CTIF: variants seen among roughly 807,000 people sequenced by gnomAD.
CTIF encodes the protein CBP80/20-dependent translation initiation factor.
CTIF carries 21 observed loss-of-function variants against 66.0 expected under a neutral mutation model. The ratio of observed to expected loss-of-function variants is 0.32; its 90% confidence interval spans 0.23 to 0.46. The LOEUF (loss-of-function observed/expected upper bound fraction) is 0.46, where lower values mean the gene tolerates loss of function less well. CTIF is among the 20% of genes least tolerant of loss of function. The pLI is 1.00. For synonymous variants in CTIF, 345 were observed against 326.4 expected (o/e 1.06, Z -0.62); for missense variants, 739 against 812.7 (o/e 0.91, Z 1.10).
intron 7 of CTIF, among the ~76,000 whole-genome samples, chr18:48,721,764 T>A (rs965294150): frequency 1.3e-5 from 2 of 148,312 alleles, no homozygotes; most frequent in African/African-American, 5.0e-5. Context: ...CCCCTCTCTG[T>A]CCTGACACTC....
At chr18:48,647,926 C>T (rs1163723922) in intron 3 of CTIF, among the ~76,000 whole-genome samples, 3 of 152,144 alleles carry the variant, frequency 2.0e-5, no homozygotes, top group Non-Finnish European at 4.4e-5. Flanking sequence ...GAAGGCCTCC[C>T]TGTGAGGCAA....
At chr18:48,728,234 T>C (rs559481552) in intron 7 of CTIF, among the ~76,000 whole-genome samples, 1 of 152,310 alleles carries the variant, frequency 6.6e-6, no homozygotes, top group South Asian at 2.1e-4. Context: ...AGTCCATATT[T>C]CTACCAGTGG....
intron 10 of CTIF, among the ~76,000 whole-genome samples, chr18:48,840,298 G>A (rs895452269): frequency 6.6e-6 from 1 of 152,186 alleles, no homozygotes; most frequent in African/African-American, 2.4e-5. Flanking sequence ...AGACTGTAGG[G>A]CCCAGAGCAG....
chr18:48,557,585 T>C (rs754486184), intron 1 of CTIF, among the ~76,000 whole-genome samples: 1 of 152,250 alleles, frequency 6.6e-6, no homozygotes, highest in Non-Finnish European at 1.5e-5. Flanking sequence ...TCGATTTGTC[T>C]TCCTCTGGCT....
chr18:48,739,343 TC>T (rs2092534235), intron 7 of CTIF, among the ~76,000 whole-genome samples: 1 of 152,144 alleles, frequency 6.6e-6, no homozygotes, highest in Admixed American at 6.5e-5. Context: ...GCAAATGCAC[TC>T]CCGTGTCGTG....
chr18:48,769,264 G>A (rs1051947977), intron 9 of CTIF, among the ~76,000 whole-genome samples: 1 of 152,208 alleles, frequency 6.6e-6, no homozygotes, highest in African/African-American at 2.4e-5. Context: ...GCATTCCAAA[G>A]CTTGAGCAAA....
At chr18:48,859,167 C>T (rs997372687) in intron 11 of CTIF, among the ~76,000 whole-genome samples, 177 bp from the exon 12 acceptor site, 2 of 152,206 alleles carry the variant, frequency 1.3e-5, no homozygotes, top group Non-Finnish European at 2.9e-5. Context: ...TGAGCTCTCA[C>T]TCTTGGCTAC....
intron 7 of CTIF, among the ~76,000 whole-genome samples, chr18:48,714,661 G>C (rs980454626): frequency 2.0e-5 from 3 of 152,190 alleles, no homozygotes; most frequent in African/African-American, 7.2e-5. Context: ...AGGGGTTTTT[G>C]TGTGCCTTAC....
intron 1 of CTIF, among the ~76,000 whole-genome samples, chr18:48,585,483 GTTC>G (rs1468185645): frequency 6.6e-6 from 1 of 152,164 alleles, no homozygotes; most frequent in African/African-American, 2.4e-5. Context: ...ATCCCATGGT[GTTC>G]TGTGTGATTG....
chr18:48,808,895 G>A (rs901885510), intron 9 of CTIF, among the ~76,000 whole-genome samples: 2 of 152,078 alleles, frequency 1.3e-5, no homozygotes, highest in African/African-American at 4.8e-5. Context: ...ATTTTTTCAA[G>A]TCTTCATTTC....
intron 1 of CTIF, among the ~76,000 whole-genome samples, chr18:48,581,235 T>G (rs1050179248): frequency 4.1e-5 from 6 of 146,676 alleles, no homozygotes; most frequent in Admixed American, 6.7e-5. Flanking sequence ...TTGGGTTTTT[T>G]TTGTTGTTGT....
chr18:48,723,245 C>A (rs970720461), intron 7 of CTIF, among the ~76,000 whole-genome samples: 2 of 152,088 alleles, frequency 1.3e-5, no homozygotes, highest in African/African-American at 4.8e-5. Context: ...AACTCACATG[C>A]ACGGGGAGCT....
At chr18:48,668,034 C>G (rs1348533529) in intron 5 of CTIF, among the ~76,000 whole-genome samples, 1 of 152,240 alleles carries the variant, frequency 6.6e-6, no homozygotes, top group African/African-American at 2.4e-5. Flanking sequence ...CTTGGAAACC[C>G]TGTTGGCAGC....
At chr18:48,678,657 A>G (rs1432791445) in intron 6 of CTIF, among the ~76,000 whole-genome samples, 3 of 151,680 alleles carry the variant, frequency 2.0e-5, no homozygotes. Context: ...GACAACTGGG[A>G]AAGTTCCTCG....
rs2091517879 is a variant in CTIF, at chr18:48,670,659, T to C, written c.432-10T>C. 1 of 1,613,402 alleles carries C rather than the reference T, an allele frequency of 6.2e-7. No individual in the cohort carries two copies. The highest frequency in any genetic ancestry group is 8.5e-7 in the Non-Finnish European group (1 of 1,179,446). ...ATCTTTCCAATGCCTTTCTGTCTTT[T>C]CTGGTCCAGGTGTGGCAAAGGGAAG... On this transcript the variant is annotated splice_polypyrimidine_tract_variant and intron_variant, in intron 5 of 11. Coordinates refer to ENST00000256413, the MANE Select transcript of CTIF (RefSeq NM_014772.3).
intron 7 of CTIF, among the ~76,000 whole-genome samples, chr18:48,750,482 C>G (rs576705861): frequency 1.3e-5 from 2 of 152,252 alleles, no homozygotes; most frequent in East Asian, 1.9e-4. Context: ...CCCTTCCCCA[C>G]GAGGCAGCAA....
intron 6 of CTIF, among the ~76,000 whole-genome samples, chr18:48,675,154 A>AG (rs112975253): frequency 0.88 from 133,049 of 151,418 alleles, 59,106 homozygotes; most frequent in East Asian, 1. Flanking sequence ...GCCATAGGGC[A>AG]GGCAGACACT....
chr18:48,832,173 C>CTTTTTTTTTTTTT (rs61221781), intron 10 of CTIF, among the ~76,000 whole-genome samples: 14 of 128,282 alleles, frequency 1.1e-4, no homozygotes, highest in Admixed American at 1.5e-4. Context: ...CGTGGTCCTT[C>CTTTTTTTTTTTTT]TTTTTTTTTT....
At chr18:48,576,141 G>A (rs2089526008) in intron 1 of CTIF, among the ~76,000 whole-genome samples, 1 of 152,262 alleles carries the variant, frequency 6.6e-6, no homozygotes, top group Non-Finnish European at 1.5e-5. Context: ...CCCGAGAGGC[G>A]CCGAGGATGG....
Sources: allele counts gnomAD v4.1 joint callset (sites outside exome capture counted in the v4.1 genomes callset), GRCh38; gene constraint gnomAD v4.1.1; transcripts MANE v1.5; gene names NCBI Gene and HGNC (gene_info 2026-07-23, HGNC 2026-07-21).